MYLK: variants seen among roughly 807,000 people sequenced by gnomAD.
MYLK encodes the protein myosin light chain kinase.
Under a neutral mutation model 203.4 loss-of-function variants are expected in MYLK, and 106 were observed. That is an observed-to-expected ratio of 0.52 (90% CI 0.45 to 0.61). The LOEUF (loss-of-function observed/expected upper bound fraction) is 0.61, where lower values mean the gene tolerates loss of function less well. Ranked by LOEUF, MYLK falls within the 20% of genes least tolerant of loss-of-function variation. MYLK has a pLI of 0.00. For missense variants in MYLK, 2,072 were observed against 2,442.3 expected (o/e 0.85, Z 3.20); for synonymous variants, 867 against 959.5 (o/e 0.90, Z 1.78).
rs751571211 is a variant in MYLK, at chr3:123,649,140, C to T, written c.4321+22G>A. 2.1e-5 allele frequency: 34 copies of T among 1,613,874 alleles called. 1 individual carries two copies. The South Asian group carries it at 2.3e-4, about 11-fold the overall frequency. On this transcript the variant is annotated intron_variant, in intron 25 of 33. Transcript: ENST00000360304. The stretch of plus-strand genomic sequence containing the variant: ...CCCCCTCCACCCCAAGAGCCTGACC[C>T]GAAGACAGGGGCTGCACTCACCATC...
At chr3:123,876,179 G>T (rs941171970) in intron 2 of MYLK, among the ~76,000 whole-genome samples, 1 of 151,840 alleles carries the variant, frequency 6.6e-6, no homozygotes, top group South Asian at 2.1e-4. Flanking sequence ...CAAAGTCACT[G>T]GGGTATTTTT....
At chr3:123,811,942 T>C (rs1378038770) in intron 3 of MYLK, among the ~76,000 whole-genome samples, 1 of 152,222 alleles carries the variant, frequency 6.6e-6, no homozygotes, top group African/African-American at 2.4e-5. Flanking sequence ...CTAACCCCCA[T>C]TTCTAACAGT....
intron 2 of MYLK, among the ~76,000 whole-genome samples, chr3:123,840,048 A>C (rs2066555234): frequency 6.6e-6 from 1 of 152,138 alleles, no homozygotes; most frequent in Non-Finnish European, 1.5e-5. Flanking sequence ...ATGCAGGAAA[A>C]GGTCAGAAGA....
At position 123,726,084 on chromosome 3, in the gene MYLK, A is replaced by AG. The variant is rs755337252; in HGVS notation, c.1517-7dup. On this transcript the variant is annotated splice_polypyrimidine_tract_variant and splice_region_variant and intron_variant, in intron 11 of 33. Transcript: ENST00000360304. ...CACCTCCATCACGGCAAGCCCTGTG[A>AG]GGGAAAAGGACAGGTCAGCTCAGAT... is the stretch of plus-strand genomic sequence containing the variant. 16 of 1,614,110 alleles carry AG rather than the reference A, an allele frequency of 9.9e-6. No homozygotes were observed. In the South Asian group the frequency reaches 1.8e-4, roughly 18 times the overall value.
chr3:123,663,995 G>A (rs909296171), intron 23 of MYLK, 110 bp downstream of exon 23: 1 of 1,466,030 alleles, frequency 6.8e-7, no homozygotes, highest in South Asian at 1.1e-5. Flanking sequence ...TCAGGCACAG[G>A]AGTGGTGAGA....
chr3:123,645,466 T>C (rs820472), intron 27 of MYLK, among the ~76,000 whole-genome samples: 48,719 of 152,128 alleles, frequency 0.32, 13,924 homozygotes, highest in African/African-American at 0.73. Context: ...TCAACTTTCC[T>C]GGGAGAGAAT....
intron 4 of MYLK, among the ~76,000 whole-genome samples, chr3:123,767,385 T>C (rs1264865374): frequency 6.6e-6 from 1 of 152,206 alleles, no homozygotes; most frequent in Non-Finnish European, 1.5e-5. Flanking sequence ...GGTTGGCAGA[T>C]CACCTGAGAT....
chr3:123,764,555 T>C (rs1009457589), intron 4 of MYLK, among the ~76,000 whole-genome samples: 6 of 152,064 alleles, frequency 3.9e-5, no homozygotes, highest in African/African-American at 1.4e-4. Context: ...GGAAGGTAAG[T>C]TGGTTATTTT....
intron 22 of MYLK, among the ~76,000 whole-genome samples, chr3:123,664,554 A>C (rs1427240986): frequency 2.0e-5 from 3 of 151,990 alleles, no homozygotes. Flanking sequence ...GTCTCCCTCT[A>C]CCTCTCTGGA....
intron 1 of MYLK, among the ~76,000 whole-genome samples, chr3:123,881,691 G>C (rs1414871122): frequency 6.6e-6 from 1 of 152,154 alleles, no homozygotes; most frequent in East Asian, 1.9e-4. Flanking sequence ...CCAACTAGTT[G>C]TGTTTCAAAC....
chr3:123,850,566 C>T, intron 2 of MYLK, among the ~76,000 whole-genome samples: 1 of 152,122 alleles, frequency 6.6e-6, no homozygotes, highest in East Asian at 1.9e-4. Flanking sequence ...CTGTTCATAT[C>T]CTTTGCCCAC....
intron 4 of MYLK, among the ~76,000 whole-genome samples, chr3:123,755,102 T>C (rs937725914): frequency 2.0e-5 from 3 of 152,216 alleles, no homozygotes. Flanking sequence ...CAAACCATCA[T>C]TGTCTTCTCC....
rs1230937157 is a variant in MYLK at position 123,727,003 on chromosome 3, A to G, written c.1517-925T>C. 3.3e-5 allele frequency among the ~76,000 whole-genome samples: 5 copies of G among 152,228 alleles called. No individual in the cohort carries two copies. In the East Asian group the frequency reaches 9.6e-4, roughly 29 times the overall value. On this transcript the variant is annotated intron_variant, in intron 11 of 33. Coordinates refer to ENST00000360304, the MANE Select transcript of MYLK (RefSeq NM_053025.4). ...TACTGCAGGGGTTTATGGGCAAGAAAGCTAATAAGATGTGAGGGCCTACTA... is the reference window on the plus strand; with the variant it reads ...TACTGCAGGGGTTTATGGGCAAGAAGGCTAATAAGATGTGAGGGCCTACTA...
intron 1 of MYLK, among the ~76,000 whole-genome samples, chr3:123,883,236 CTT>C (rs1456821264): frequency 1.3e-5 from 2 of 152,142 alleles, no homozygotes; most frequent in Non-Finnish European, 2.9e-5. Flanking sequence ...ATACTCTGGT[CTT>C]TGCACTTGGG....
intron 24 of MYLK, among the ~76,000 whole-genome samples, chr3:123,656,819 G>A (rs746316242): frequency 1.3e-5 from 2 of 152,220 alleles, no homozygotes; most frequent in African/African-American, 4.8e-5. Context: ...GAAGAGAAGG[G>A]GTGGAGGGTG....
At chr3:123,882,752 G>C (rs969002855) in intron 1 of MYLK, among the ~76,000 whole-genome samples, 3 of 152,148 alleles carry the variant, frequency 2.0e-5, no homozygotes, top group Non-Finnish European at 4.4e-5. Context: ...CAGACCCAAG[G>C]CTCCTGGCCC....
chr3:123,865,552 A>C (rs1272466205), intron 2 of MYLK, among the ~76,000 whole-genome samples: 3 of 152,230 alleles, frequency 2.0e-5, no homozygotes, highest in African/African-American at 7.2e-5. Flanking sequence ...ATTGTGTGCC[A>C]GATAATGTGC....
intron 4 of MYLK, among the ~76,000 whole-genome samples, chr3:123,787,601 G>A (rs2064586106): frequency 6.6e-6 from 1 of 152,196 alleles, no homozygotes; most frequent in Non-Finnish European, 1.5e-5. Flanking sequence ...TGAAGGGGCA[G>A]TGTCATGCGG....
rs150317000 is a variant in MYLK, at chr3:123,634,633, G to T, written c.4961+3438C>A. Among the ~76,000 whole-genome samples, 471 of 152,364 alleles carry T rather than the reference G, an allele frequency of 3.1e-3. 2 individuals carry two copies. Among genetic ancestry groups the T allele is most frequent in the Middle Eastern group, 6.8e-3 (2 of 294 alleles). ...GGTCAGGAAGAGGCAGGAGGAGGAA[G>T]CAGAGCAGCCATTGCTGGTTCGCTC... On this transcript the variant is annotated intron_variant, in intron 29 of 33. Transcript: ENST00000360304.
Sources: gnomAD v4.1 joint callset for allele counts (sites outside exome capture counted in the v4.1 genomes callset) on GRCh38, gnomAD v4.1.1 for gene constraint, MANE v1.5 for transcripts, NCBI Gene and HGNC (gene_info 2026-07-23, HGNC 2026-07-21) for gene names.